Variants in C11orf65 observed in about 807,000 individuals in gnomAD.
The protein encoded by C11orf65 is protein MFI.
In C11orf65, 38 loss-of-function variants were observed where a neutral mutation model predicts 35.3. The observed-to-expected ratio is 1.08, with a 90% CI of 0.83 to 1.41. The LOEUF (loss-of-function observed/expected upper bound fraction) is 1.41. Ranked by LOEUF, C11orf65 falls within the 40% of genes most tolerant of loss-of-function variation. C11orf65 has a pLI of 0.00. For synonymous variants in C11orf65, 105 were observed against 114.4 expected (o/e 0.92, Z 0.53); for missense variants, 370 against 367.1 (o/e 1.01, Z -0.06).
intron 3 of C11orf65, among the ~76,000 whole-genome samples, chr11:108,334,233 C>G (rs1050564468): frequency 6.6e-6 from 1 of 151,996 alleles, no homozygotes; most frequent in Non-Finnish European, 1.5e-5. Flanking sequence ...TTTCATTGGC[C>G]AGAAGGAGAG....
At chr11:108,368,288 C>CAA (rs765253087) in intron 2 of C11orf65, 96 of 97,752 alleles carry the variant, frequency 9.8e-4, no homozygotes, top group Middle Eastern at 3.4e-3. Flanking sequence ...GACTCTGCCT[C>CAA]AAAAAAAAAA....
intron 1 of C11orf65, among the ~76,000 whole-genome samples, chr11:108,464,995 T>C (rs2093517656): frequency 6.6e-6 from 1 of 152,156 alleles, no homozygotes; most frequent in South Asian, 2.1e-4. Flanking sequence ...AAACGTAAAT[T>C]AGATATTAGG....
chr11:108,310,856 T>C (rs2084097392), intron 6 of C11orf65, among the ~76,000 whole-genome samples: 1 of 152,188 alleles, frequency 6.6e-6, no homozygotes, highest in Admixed American at 6.5e-5. Flanking sequence ...GAGTTAGAAC[T>C]GTCATAAGAA....
Position 108,332,037 on chromosome 11 carries a change from G to C in C11orf65, c.300-470C>G, listed in dbSNP as rs587780639. ...CTAAACAAAGCTCTCAGCTTGATGA[G>C]GTATTTGGATTAAACATACGTACCT... On this transcript the variant is annotated intron_variant, in intron 3 of 3. Transcript: ENST00000524755. The C allele has an allele frequency of 3.7e-6, 6 of 1,613,484 alleles. No homozygotes were observed. The South Asian group carries it at 6.6e-5, about 18-fold the overall frequency.
intron 3 of C11orf65, among the ~76,000 whole-genome samples, chr11:108,428,914 A>G (rs1340155992): frequency 6.6e-6 from 1 of 152,254 alleles, no homozygotes; most frequent in Non-Finnish European, 1.5e-5. Flanking sequence ...TGGGAGGCCA[A>G]GGCATAAGGA....
At chr11:108,386,668 A>G (rs1162097062) in intron 7 of C11orf65, among the ~76,000 whole-genome samples, 1 of 152,200 alleles carries the variant, frequency 6.6e-6, no homozygotes, top group East Asian at 1.9e-4. Flanking sequence ...CTTAGGCTCC[A>G]TATCCCACTT....
chr11:108,425,991 C>T (rs961927409), intron 3 of C11orf65, among the ~76,000 whole-genome samples: 2 of 152,128 alleles, frequency 1.3e-5, no homozygotes, highest in African/African-American at 2.4e-5. Flanking sequence ...ATTCATGGAA[C>T]GTATCTCAAA....
intron 7 of C11orf65, among the ~76,000 whole-genome samples, chr11:108,387,061 G>A (rs1190491957): frequency 2.7e-5 from 4 of 149,148 alleles, no homozygotes; most frequent in African/African-American, 7.4e-5. Flanking sequence ...CAGCTTGGGT[G>A]ACAGAGCGAG....
intron 2 of C11orf65, among the ~76,000 whole-genome samples, chr11:108,361,461 T>C (rs1247776091): frequency 1.3e-5 from 2 of 151,932 alleles, no homozygotes; most frequent in Non-Finnish European, 1.5e-5. Context: ...AAAGTTCATA[T>C]GGAACCAAAA....
chr11:108,363,655 G>C (rs1050296162), intron 2 of C11orf65, among the ~76,000 whole-genome samples: 1 of 152,166 alleles, frequency 6.6e-6, no homozygotes, highest in Admixed American at 6.6e-5. Flanking sequence ...CATCCAAAAT[G>C]ACAATAGTGC....
At position 108,335,052 on chromosome 11, in the gene C11orf65, A is replaced by G. The variant is rs786203569; in HGVS notation, c.299+168T>C. On this transcript the variant is annotated intron_variant, in intron 3 of 3. Transcript: ENST00000524755. The stretch of plus-strand genomic sequence containing the variant: ...TTCGCTTAGCAGGAGGTGTAAATTT[A>G]CCAAAAATAATAGATTGTGTAGGTT... 3 of 1,614,144 alleles carry G rather than the reference A, an allele frequency of 1.9e-6. No individual in the cohort carries two copies. Among genetic ancestry groups the G allele is most frequent in the Middle Eastern group, 1.6e-4 (1 of 6,062 alleles).
chr11:108,401,455 C>T (rs557980661), intron 6 of C11orf65, among the ~76,000 whole-genome samples: 1 of 152,330 alleles, frequency 6.6e-6, no homozygotes, highest in African/African-American at 2.4e-5. Context: ...ATCTCTCCTT[C>T]TTTCCCAGGC....
intron 2 of C11orf65, chr11:108,343,458 A>G: frequency 6.6e-7 from 1 of 1,515,868 alleles, no homozygotes; most frequent in Non-Finnish European, 9.0e-7. Flanking sequence ...TAGAATACAA[A>G]AAAACTTTAA....
chr11:108,327,133 T>C (rs1321347976), downstream of C11orf65, among the ~76,000 whole-genome samples: 1 of 152,188 alleles, frequency 6.6e-6, no homozygotes, highest in East Asian at 1.9e-4. Context: ...CGGCCTTTAC[T>C]GTACTTTTTG....
chr11:108,343,613 G>T (rs991731876), intron 2 of C11orf65, among the ~76,000 whole-genome samples: 2 of 152,146 alleles, frequency 1.3e-5, no homozygotes, highest in Non-Finnish European at 2.9e-5. Flanking sequence ...AATGTGTGCT[G>T]ATTTGTTTTC....
At chr11:108,405,658 G>C (rs1405085498) in intron 5 of C11orf65, 99 bp from the exon 6 acceptor site, 3 of 1,217,276 alleles carry the variant, frequency 2.5e-6, no homozygotes, top group Non-Finnish European at 2.4e-6. Context: ...TAGGAATATG[G>C]CAAGATAGAA....
intron 7 of C11orf65, 51 bp from the exon 8 acceptor site, chr11:108,386,026 T>C (rs774629104): frequency 2.9e-6 from 4 of 1,397,452 alleles, no homozygotes; most frequent in Admixed American, 1.9e-5. Flanking sequence ...CATTAGTACA[T>C]ACTTAGACTA....
intron 1 of C11orf65, among the ~76,000 whole-genome samples, chr11:108,464,965 T>C (rs2093517279): frequency 6.6e-6 from 1 of 152,152 alleles, no homozygotes; most frequent in African/African-American, 2.4e-5. Context: ...TGACTCTAAA[T>C]TTTAGAAAAG....
chr11:108,374,245 G>GGCAGACT (rs2091654342), intron 2 of C11orf65, among the ~76,000 whole-genome samples: 1 of 152,188 alleles, frequency 6.6e-6, no homozygotes, highest in African/African-American at 2.4e-5. Flanking sequence ...CCCCCAGTGG[G>GGCAGACT]GCAGACTGAT....
Sources: gnomAD v4.1 joint callset for allele counts (sites outside exome capture counted in the v4.1 genomes callset) on GRCh38, gnomAD v4.1.1 for gene constraint, MANE v1.5 for transcripts, NCBI Gene and HGNC (gene_info 2026-07-23, HGNC 2026-07-21) for gene names.